INSYN2B: variants seen among roughly 807,000 people sequenced by gnomAD.
INSYN2B encodes inhibitory synaptic factor family member 2B.
Under a neutral mutation model 41.2 loss-of-function variants are expected in INSYN2B, and 16 were observed. That is an observed-to-expected ratio of 0.39 (90% CI 0.26 to 0.59). The LOEUF is 0.59. Ranked by LOEUF, INSYN2B falls within the 20% of genes least tolerant of loss-of-function variation. The pLI is 0.57. For synonymous variants in INSYN2B, 245 were observed against 244.4 expected (o/e 1.00, Z -0.02); for missense variants, 608 against 646.4 (o/e 0.94, Z 0.64).
chr5:169,945,705 C>G (rs920018137), intron 1 of INSYN2B, among the ~76,000 whole-genome samples: 1 of 152,132 alleles, frequency 6.6e-6, no homozygotes, highest in African/African-American at 2.4e-5. Context: ...GTGCTCCTCC[C>G]GCTTAAAAAT....
At chr5:169,921,547 C>G (rs998406062) in intron 1 of INSYN2B, among the ~76,000 whole-genome samples, 1 of 152,308 alleles carries the variant, frequency 6.6e-6, no homozygotes, top group Admixed American at 6.5e-5. Context: ...CTCTTTCCTC[C>G]TCTTCGTAGG....
Position 169,911,703 on chromosome 5 carries a change from G to T in INSYN2B, c.-918-26887C>A, listed in dbSNP as rs1774608824. Reference sequence around the variant, plus strand: ...TTTCCTATAATTAGCCAAGAAGTTGGTGCTACAGAGATGGTAAAAATTGAC... The same window carrying T: ...TTTCCTATAATTAGCCAAGAAGTTGTTGCTACAGAGATGGTAAAAATTGAC... On this transcript the variant is annotated intron_variant, in intron 1 of 3. Coordinates refer to ENST00000377365, the MANE Select transcript of INSYN2B (RefSeq NM_001129891.3). Among the ~76,000 whole-genome samples, 3 of 152,164 alleles carry T rather than the reference G, an allele frequency of 2.0e-5. No homozygotes were observed. The South Asian group carries it at 6.2e-4, about 32-fold the overall frequency.
intron 1 of INSYN2B, among the ~76,000 whole-genome samples, chr5:169,921,683 G>A (rs1775180613): frequency 1.3e-5 from 2 of 152,264 alleles, no homozygotes; most frequent in Middle Eastern, 3.4e-3. Flanking sequence ...GAGCACTTGG[G>A]AGAAGCCAGT....
intron 1 of INSYN2B, among the ~76,000 whole-genome samples, chr5:169,898,250 C>T (rs533632618): frequency 3.3e-5 from 5 of 152,308 alleles, no homozygotes; most frequent in Non-Finnish European, 5.9e-5. Flanking sequence ...AACTGGCTGC[C>T]ATGGTCTCCT....
At chr5:169,917,771 G>A (rs974743188) in intron 1 of INSYN2B, among the ~76,000 whole-genome samples, 1 of 152,156 alleles carries the variant, frequency 6.6e-6, no homozygotes, top group East Asian at 1.9e-4. Flanking sequence ...ATTTTTTCTG[G>A]CCCTACCACA....
At chr5:169,969,248 C>T (rs1018619828) in intron 1 of INSYN2B, among the ~76,000 whole-genome samples, 8 of 152,042 alleles carry the variant, frequency 5.3e-5, no homozygotes, top group African/African-American at 1.9e-4. Context: ...AGCTCAAGAA[C>T]AGCTTGGCCA....
At chr5:169,971,376 G>A (rs374583958) in intron 1 of INSYN2B, among the ~76,000 whole-genome samples, 10 of 151,622 alleles carry the variant, frequency 6.6e-5, no homozygotes, top group Admixed American at 1.3e-4. Context: ...CAGCTGGCAC[G>A]TGAGCCCTAG....
At chr5:169,933,491 A>C (rs1350907002) in intron 1 of INSYN2B, among the ~76,000 whole-genome samples, 1 of 152,226 alleles carries the variant, frequency 6.6e-6, no homozygotes, top group Non-Finnish European at 1.5e-5. Flanking sequence ...AGTCTGCATA[A>C]ATAAATTCAG....
intron 1 of INSYN2B, among the ~76,000 whole-genome samples, chr5:169,931,295 A>G (rs967324882): frequency 6.6e-6 from 1 of 152,236 alleles, no homozygotes; most frequent in African/African-American, 2.4e-5. Context: ...TGACAAAGCC[A>G]TCAAAGTACA....
intron 3 of INSYN2B, chr5:169,875,323 C>T (rs1350538013): frequency 2.2e-6 from 1 of 456,682 alleles, no homozygotes; most frequent in Admixed American, 2.3e-5. Flanking sequence ...CATAGACACC[C>T]AGGAGGTTCC....
At chr5:169,950,851 G>A in intron 1 of INSYN2B, among the ~76,000 whole-genome samples, 1 of 152,196 alleles carries the variant, frequency 6.6e-6, no homozygotes, top group East Asian at 1.9e-4. Flanking sequence ...TCTTACTGAG[G>A]CTGAGCCAAA....
At chr5:169,935,301 A>C (rs563024580) in intron 1 of INSYN2B, among the ~76,000 whole-genome samples, 1 of 152,148 alleles carries the variant, frequency 6.6e-6, no homozygotes, top group African/African-American at 2.4e-5. Context: ...ACTCGACCAA[A>C]AAAAGGTCTC....
At chr5:169,931,355 C>G (rs2113682516) in intron 1 of INSYN2B, among the ~76,000 whole-genome samples, 2 of 152,326 alleles carry the variant, frequency 1.3e-5, no homozygotes, top group Non-Finnish European at 2.9e-5. Context: ...ACACCAGCGT[C>G]TCTCAAAGGG....
At chr5:169,895,254 C>A (rs1773530034) in intron 1 of INSYN2B, among the ~76,000 whole-genome samples, 1 of 152,150 alleles carries the variant, frequency 6.6e-6, no homozygotes, top group Admixed American at 6.5e-5. Flanking sequence ...TTAAATGTCC[C>A]CCTTCCTTCT....
chr5:169,955,312 C>T (rs1428237515), intron 1 of INSYN2B, among the ~76,000 whole-genome samples: 1 of 152,064 alleles, frequency 6.6e-6, no homozygotes, highest in East Asian at 1.9e-4. Context: ...AGTGCCTTTC[C>T]CATAGGAAGG....
chr5:169,923,483 G>GCGCA (rs555621064), intron 1 of INSYN2B, among the ~76,000 whole-genome samples: 7 of 148,926 alleles, frequency 4.7e-5, no homozygotes, highest in African/African-American at 1.5e-4. Flanking sequence ...ATGCACGTGG[G>GCGCA]CACACACACA....
Position 169,939,203 on chromosome 5 carries a change from C to CTTT in INSYN2B, c.-919+41071_-919+41073dup, listed in dbSNP as rs56040572. ...ACAGGCGTGAGCCACTGTGCCCGGC[C>CTTT]TTTTTTTTTTTTTTAAACTTTTTAA... On this transcript the variant is annotated intron_variant, in intron 1 of 3. Coordinates refer to ENST00000377365, the MANE Select transcript of INSYN2B (RefSeq NM_001129891.3). 1.4e-3 allele frequency among the ~76,000 whole-genome samples: 200 copies of CTTT among 143,528 alleles called. 1 individual carries two copies. In the South Asian group the frequency reaches 0.017, roughly 12 times the overall value. The allele number at this position is 143,528 out of a possible 152,430, so 94.2% of individuals were successfully genotyped here. A position where few individuals can be genotyped will look rare whatever the true frequency, so the allele number is the denominator to read the frequency against.
chr5:169,947,523 C>G (rs1168941710), intron 1 of INSYN2B, among the ~76,000 whole-genome samples: 1 of 152,214 alleles, frequency 6.6e-6, no homozygotes, highest in Non-Finnish European at 1.5e-5. Context: ...CAACTAATAT[C>G]AGATTGACCG....
intron 1 of INSYN2B, among the ~76,000 whole-genome samples, chr5:169,936,130 T>C (rs1013282357): frequency 1.3e-5 from 2 of 152,212 alleles, no homozygotes; most frequent in Admixed American, 6.5e-5. Flanking sequence ...AAACCACCTG[T>C]CTGCCCTTGA....
Sources: allele counts gnomAD v4.1 joint callset (sites outside exome capture counted in the v4.1 genomes callset), GRCh38; gene constraint gnomAD v4.1.1; transcripts MANE v1.5; gene names NCBI Gene and HGNC (gene_info 2026-07-23, HGNC 2026-07-21).